Variants in SDK1 observed in about 807,000 individuals in gnomAD.
SDK1 encodes the protein sidekick cell adhesion molecule 1, also known as protein sidekick-1.
In SDK1, 157 loss-of-function variants were observed where a neutral mutation model predicts 245.5. The ratio of observed to expected loss-of-function variants is 0.64; its 90% CI spans 0.56 to 0.73. The LOEUF (loss-of-function observed/expected upper bound fraction) is 0.73, where lower values mean the gene tolerates loss of function less well. Ranked by LOEUF, SDK1 falls within the 30% of genes least tolerant of loss-of-function variation. SDK1 has a pLI of 0.00. For missense variants in SDK1, 3,583 were observed against 3,002.3 expected, an observed-to-expected ratio of 1.19 and a Z score of -4.52; for synonymous variants, 1,647 against 1,278.5, an observed-to-expected ratio of 1.29 and a Z score of -6.15.
At chr7:3,429,429 A>G (rs1336874033) in intron 1 of SDK1, among the ~76,000 whole-genome samples, 4 of 152,170 alleles carry the variant, frequency 2.6e-5, no homozygotes, top group Non-Finnish European at 4.4e-5. Flanking sequence ...TTTTAAATAT[A>G]TAACTCCTAA....
At chr7:3,480,306 A>G (rs917704992) in intron 1 of SDK1, among the ~76,000 whole-genome samples, 3 of 152,198 alleles carry the variant, frequency 2.0e-5, no homozygotes, top group African/African-American at 7.2e-5. Context: ...GTGAAAACCT[A>G]AGGAAATGGA....
At chr7:3,577,665 C>T (rs1362476945) in intron 1 of SDK1, among the ~76,000 whole-genome samples, 1 of 152,008 alleles carries the variant, frequency 6.6e-6, no homozygotes. Context: ...CTGTCAATGT[C>T]TGTTAGGTTA....
At chr7:3,803,279 A>ATTTTC (rs1160093080) in intron 4 of SDK1, among the ~76,000 whole-genome samples, 57 of 146,452 alleles carry the variant, frequency 3.9e-4, no homozygotes, top group Middle Eastern at 3.5e-3. Context: ...TACTCTGCCC[A>ATTTTC]TTTTCTTTTC....
At chr7:3,727,995 C>G (rs1168864113) in intron 4 of SDK1, among the ~76,000 whole-genome samples, 3 of 152,104 alleles carry the variant, frequency 2.0e-5, no homozygotes, top group African/African-American at 7.2e-5. Flanking sequence ...TCTTGATGAT[C>G]TTGACAGTTT....
intron 1 of SDK1, among the ~76,000 whole-genome samples, chr7:3,380,563 C>A (rs1263631175): frequency 6.6e-6 from 1 of 152,214 alleles, no homozygotes; most frequent in Admixed American, 6.5e-5. Flanking sequence ...TTGTATTAAG[C>A]TGCAAGTAAC....
intron 5 of SDK1, among the ~76,000 whole-genome samples, chr7:3,913,292 CTTTT>C (rs1290723820): frequency 7.4e-6 from 1 of 135,190 alleles, no homozygotes. Flanking sequence ...TTACACTTAT[CTTTT>C]TTTTTTTTTT....
intron 14 of SDK1, among the ~76,000 whole-genome samples, chr7:4,006,640 A>C (rs62439609): frequency 3.3e-5 from 5 of 152,220 alleles, no homozygotes; most frequent in African/African-American, 1.2e-4. Context: ...GAGATGGATC[A>C]GTTCATTTGT....
At chr7:3,817,639 A>G (rs890871884) in intron 4 of SDK1, among the ~76,000 whole-genome samples, 8 of 152,194 alleles carry the variant, frequency 5.3e-5, no homozygotes, top group Non-Finnish European at 1.0e-4. Flanking sequence ...ACCCCTGGCC[A>G]TGCAAACATA....
intron 1 of SDK1, among the ~76,000 whole-genome samples, chr7:3,331,286 A>G: frequency 6.6e-6 from 1 of 152,116 alleles, no homozygotes; most frequent in East Asian, 1.9e-4. Context: ...AAAAAACAAA[A>G]CACCCAGTCT....
At chr7:4,079,199 C>T (rs1780898401) in intron 21 of SDK1, among the ~76,000 whole-genome samples, 1 of 152,188 alleles carries the variant, frequency 6.6e-6, no homozygotes, top group Admixed American at 6.5e-5. Context: ...ATGACGTGTG[C>T]CTGCAGAGTT....
chr7:4,085,587 C>G (rs946380997), intron 22 of SDK1, among the ~76,000 whole-genome samples: 3 of 152,128 alleles, frequency 2.0e-5, no homozygotes, highest in African/African-American at 7.2e-5. Context: ...TGGAGTCTCA[C>G]TCTGTCACCG....
At chr7:4,108,483 C>G (rs1236361595) in intron 22 of SDK1, among the ~76,000 whole-genome samples, 1 of 152,086 alleles carries the variant, frequency 6.6e-6, no homozygotes, top group African/African-American at 2.4e-5. Context: ...AACTGGCTCA[C>G]TTTGGTGCCA....
chr7:4,243,088 A>G (rs578121235), intron 43 of SDK1, among the ~76,000 whole-genome samples: 1 of 152,314 alleles, frequency 6.6e-6, no homozygotes, highest in South Asian at 2.1e-4. Flanking sequence ...TGAAAAAGCA[A>G]CCACATGTAG....
chr7:4,210,281 A>C (rs1364951014), intron 38 of SDK1, 119 bp downstream of exon 38: 36 of 1,110,938 alleles, frequency 3.2e-5, no homozygotes, highest in Non-Finnish European at 4.1e-5. Context: ...TGGCGCCTGA[A>C]GTGGGGGGTT....
intron 1 of SDK1, among the ~76,000 whole-genome samples, chr7:3,527,201 A>G (rs1783167244): frequency 6.6e-6 from 1 of 152,224 alleles, no homozygotes; most frequent in Non-Finnish European, 1.5e-5. Flanking sequence ...AATGTCCACA[A>G]CGTCTGAGGC....
At chr7:4,101,149 ATTT>A (rs376555352) in intron 22 of SDK1, among the ~76,000 whole-genome samples, 1 of 137,688 alleles carries the variant, frequency 7.3e-6, no homozygotes. Flanking sequence ...GGACACTTGC[ATTT>A]TTTTTTTTTT....
At chr7:4,012,319 G>T (rs1244822745) in intron 16 of SDK1, 84 bp downstream of exon 16, 5 of 1,361,450 alleles carry the variant, frequency 3.7e-6, no homozygotes, top group Admixed American at 5.7e-5. Context: ...TCTAATGTCT[G>T]TAAGAGCCAA....
intron 14 of SDK1, among the ~76,000 whole-genome samples, chr7:3,991,051 A>T (rs575896013): frequency 3.3e-5 from 5 of 152,360 alleles, no homozygotes; most frequent in Admixed American, 6.5e-5. Flanking sequence ...AACAGCAAGG[A>T]GACAGTCAGA....
chr7:3,771,636 CT>C (rs1181172273), intron 4 of SDK1, among the ~76,000 whole-genome samples: 1 of 152,072 alleles, frequency 6.6e-6, no homozygotes, highest in African/African-American at 2.4e-5. Context: ...TATGCTTTGT[CT>C]TCTCAGAAAT....
Sources: allele counts gnomAD v4.1 joint callset (sites outside exome capture counted in the v4.1 genomes callset), GRCh38; gene constraint gnomAD v4.1.1; transcripts MANE v1.5; gene names NCBI Gene and HGNC (gene_info 2026-07-23, HGNC 2026-07-21).